UNC13C: variants seen among roughly 807,000 people sequenced by gnomAD.
UNC13C encodes the protein unc-13 homolog C, also known as protein unc-13 homolog C.
Under a neutral mutation model 245.4 loss-of-function variants are expected in UNC13C, and 174 were observed. The observed-to-expected ratio is 0.71, with a 90% CI of 0.63 to 0.80. The LOEUF (loss-of-function observed/expected upper bound fraction) is 0.80. UNC13C is among the 30% of genes least tolerant of loss of function. UNC13C has a pLI of 0.00. For missense variants in UNC13C, 2,829 were observed against 2,602.9 expected (o/e 1.09, Z -1.89); for synonymous variants, 992 against 895.1 (o/e 1.11, Z -1.93).
At chr15:53,933,662 G>T in the UNC13C span, among the ~76,000 whole-genome samples, 1,849 of 152,254 alleles carry the variant, frequency 0.012, 37 homozygotes, top group African/African-American at 0.043. Flanking sequence ...AACCACTGTA[G>T]CTCCCTGAGT....
At chr15:54,441,763 C>G (rs1890539175) in intron 19 of UNC13C, among the ~76,000 whole-genome samples, 1 of 151,760 alleles carries the variant, frequency 6.6e-6, no homozygotes, top group Admixed American at 6.6e-5. Flanking sequence ...TACACTTAAA[C>G]TATTGGTTGA....
At chr15:54,492,103 G>T (rs945274799) in intron 19 of UNC13C, among the ~76,000 whole-genome samples, 2 of 151,732 alleles carry the variant, frequency 1.3e-5, no homozygotes, top group Non-Finnish European at 2.9e-5. Context: ...CCTAATCAGA[G>T]TTTACACAGC....
At chr15:54,511,417 C>A (rs1894733481) in intron 23 of UNC13C, among the ~76,000 whole-genome samples, 1 of 152,034 alleles carries the variant, frequency 6.6e-6, no homozygotes, top group Non-Finnish European at 1.5e-5. Flanking sequence ...TTTAAGCTAA[C>A]CTTTTTCTAA....
intron 30 of UNC13C, among the ~76,000 whole-genome samples, chr15:54,595,569 G>A (rs1899035026): frequency 6.6e-6 from 1 of 152,174 alleles, no homozygotes; most frequent in South Asian, 2.1e-4. Context: ...CTGCAATCTA[G>A]TCCTGCCTCT....
intron 30 of UNC13C, among the ~76,000 whole-genome samples, chr15:54,570,238 C>T (rs1405007892): frequency 6.6e-6 from 1 of 152,148 alleles, no homozygotes; most frequent in Non-Finnish European, 1.5e-5. Flanking sequence ...CAGCATATGC[C>T]ATAGATTCTT....
intron 2 of UNC13C, among the ~76,000 whole-genome samples, chr15:54,065,688 G>A (rs544859954): frequency 1.3e-5 from 2 of 152,220 alleles, no homozygotes; most frequent in South Asian, 2.1e-4. Flanking sequence ...AGAAAGACCA[G>A]TACCTCACAA....
intron 12 of UNC13C, among the ~76,000 whole-genome samples, chr15:54,298,593 T>C (rs1022038995): frequency 6.6e-6 from 1 of 152,160 alleles, no homozygotes; most frequent in African/African-American, 2.4e-5. Context: ...AGGGCCTAGT[T>C]GGCTTGGAGA....
At chr15:54,329,489 G>A (rs2038385262) in intron 14 of UNC13C, among the ~76,000 whole-genome samples, 1 of 151,942 alleles carries the variant, frequency 6.6e-6, no homozygotes, top group Non-Finnish European at 1.5e-5. Context: ...ACTGAATAAT[G>A]TGGCAGTTTT....
rs529196913 is a variant in UNC13C, at chr15:54,456,939, G to A, written c.4934-37669G>A. Among the ~76,000 whole-genome samples, 47 of 152,202 alleles carry A rather than the reference G, an allele frequency of 3.1e-4. No homozygotes were observed. The South Asian group carries it at 9.5e-3, about 31-fold the overall frequency. On this transcript the variant is annotated intron_variant, in intron 19 of 32. Transcript: ENST00000260323. ...TGTTGAATAGAACTGGTGAAAGTGGGCATCCTTGTCTAGTTCCAGTTCTCA... is the reference window on the plus strand; with the variant it reads ...TGTTGAATAGAACTGGTGAAAGTGGACATCCTTGTCTAGTTCCAGTTCTCA...
In UNC13C at chr15:54,499,034, A is replaced by G. The variant is rs550788659; in HGVS notation, c.5061-1045A>G. 2.6e-5 allele frequency among the ~76,000 whole-genome samples: 4 copies of G among 152,288 alleles called. No homozygotes were observed. In the South Asian group the frequency reaches 6.2e-4, roughly 24 times the overall value. On this transcript the variant is annotated intron_variant, in intron 20 of 32. Transcript: ENST00000260323. ...TTTCTCAGTCCTTTCTCACACTGCT[A>G]TAAAGAAATACCTGAGTCTAGGTAA... is the stretch of plus-strand genomic sequence containing the variant.
intron 19 of UNC13C, among the ~76,000 whole-genome samples, chr15:54,436,549 AAACT>A (rs1890230923): frequency 6.6e-6 from 1 of 152,030 alleles, no homozygotes; most frequent in Non-Finnish European, 1.5e-5. Context: ...CATTCTCAGC[AAACT>A]AACACAGGAA....
intron 4 of UNC13C, among the ~76,000 whole-genome samples, chr15:54,183,788 A>G (rs933747151): frequency 6.6e-6 from 1 of 151,280 alleles, no homozygotes; most frequent in African/African-American, 2.4e-5. Context: ...GGGACCAGTC[A>G]TTGCAGACAG....
At chr15:53,864,794 T>C in the UNC13C span, among the ~76,000 whole-genome samples, 1 of 152,214 alleles carries the variant, frequency 6.6e-6, no homozygotes, top group African/African-American at 2.4e-5. Context: ...GGAGACCATA[T>C]GACAGGCTTC....
chr15:54,538,394 G>T (rs980739391), intron 26 of UNC13C, among the ~76,000 whole-genome samples: 3 of 151,984 alleles, frequency 2.0e-5, no homozygotes, highest in African/African-American at 7.2e-5. Flanking sequence ...TACACTGCTG[G>T]TAGGAATGTA....
intron 26 of UNC13C, among the ~76,000 whole-genome samples, chr15:54,546,384 G>A (rs1218107268): frequency 6.6e-6 from 1 of 151,832 alleles, no homozygotes; most frequent in Non-Finnish European, 1.5e-5. Flanking sequence ...CGGCTTGATG[G>A]GTGCATCAAA....
chr15:54,588,152 A>T (rs1324668995), intron 30 of UNC13C, among the ~76,000 whole-genome samples: 2 of 152,090 alleles, frequency 1.3e-5, no homozygotes, highest in East Asian at 1.9e-4. Context: ...CTCTTTGTTA[A>T]CCTTGGCTTC....
intron 17 of UNC13C, among the ~76,000 whole-genome samples, chr15:54,340,032 G>A (rs551540971): frequency 6.6e-6 from 1 of 152,226 alleles, no homozygotes; most frequent in African/African-American, 2.4e-5. Flanking sequence ...GTATTTCCCT[G>A]ATCATTAGTT....
chr15:54,159,897 T>C (rs2032904554), intron 4 of UNC13C, among the ~76,000 whole-genome samples: 2 of 152,054 alleles, frequency 1.3e-5, no homozygotes, highest in African/African-American at 4.8e-5. Flanking sequence ...AGGGGAAGAG[T>C]AATACATACC....
chr15:54,571,565 C>CAAAT (rs1897759106), intron 30 of UNC13C, among the ~76,000 whole-genome samples: 1 of 152,200 alleles, frequency 6.6e-6, no homozygotes, highest in Non-Finnish European at 1.5e-5. Context: ...ATACCAAATA[C>CAAAT]CCATGAATAG....
Sources: allele counts gnomAD v4.1 joint callset (sites outside exome capture counted in the v4.1 genomes callset), GRCh38; gene constraint gnomAD v4.1.1; transcripts MANE v1.5; gene names NCBI Gene and HGNC (gene_info 2026-07-23, HGNC 2026-07-21).